The following TASP1 variants were observed in gnomAD, a reference collection of about 807,000 sequenced individuals.
TASP1 encodes the protein taspase 1.
A neutral mutation model predicts 56.6 loss-of-function variants in TASP1; 16 were observed. That is an observed-to-expected ratio of 0.28 (90% CI 0.19 to 0.43). The LOEUF is 0.43. TASP1 is among the 20% of genes least tolerant of loss of function. TASP1 has a pLI of 1.00. For synonymous variants in TASP1, 179 were observed against 184.2 expected, an observed-to-expected ratio of 0.97 and a Z score of 0.23; for missense variants, 393 against 511.6, an observed-to-expected ratio of 0.77 and a Z score of 2.24.
the TASP1 span, among the ~76,000 whole-genome samples, chr20:13,239,908 G>A: frequency 6.6e-6 from 1 of 152,188 alleles, no homozygotes; most frequent in Admixed American, 6.5e-5. Flanking sequence ...CTGAACATCT[G>A]TAAAAGTTTT....
the TASP1 span, among the ~76,000 whole-genome samples, chr20:13,366,901 C>T: frequency 1.3e-5 from 2 of 152,108 alleles, no homozygotes; most frequent in African/African-American, 2.4e-5. Flanking sequence ...CTCACACACA[C>T]ACTAACTCAG....
chr20:13,341,434 C>A, the TASP1 span, among the ~76,000 whole-genome samples: 1 of 152,148 alleles, frequency 6.6e-6, no homozygotes, highest in South Asian at 2.1e-4. Context: ...TGACCGTTGG[C>A]AAGTTAACTT....
At chr20:13,540,487 T>C (rs963249740) in intron 8 of TASP1, among the ~76,000 whole-genome samples, 11 of 152,112 alleles carry the variant, frequency 7.2e-5, no homozygotes, top group Non-Finnish European at 1.3e-4. Flanking sequence ...CTGGGAACAA[T>C]CCAAATGTCT....
chr20:13,333,746 C>A, the TASP1 span, among the ~76,000 whole-genome samples: 1 of 152,148 alleles, frequency 6.6e-6, no homozygotes, highest in Non-Finnish European at 1.5e-5. Context: ...AAAAGTATTT[C>A]TTGCTTCGTT....
the TASP1 span, among the ~76,000 whole-genome samples, chr20:13,246,201 AG>A: frequency 2.7e-5 from 4 of 150,736 alleles, no homozygotes; most frequent in African/African-American, 9.8e-5. Context: ...TGAACCCAGG[AG>A]GCGGAGGTTG....
At chr20:13,511,123 C>T (rs1339551079) in intron 10 of TASP1, among the ~76,000 whole-genome samples, 1 of 151,614 alleles carries the variant, frequency 6.6e-6, no homozygotes, top group Non-Finnish European at 1.5e-5. Flanking sequence ...ATCAACAAAA[C>T]ATTGACTGAG....
the TASP1 span, among the ~76,000 whole-genome samples, chr20:13,216,206 T>C: frequency 5.3e-5 from 8 of 152,210 alleles, no homozygotes; most frequent in East Asian, 1.3e-3. Context: ...TGACTTGCTT[T>C]TTCCTCCATG....
the TASP1 span, among the ~76,000 whole-genome samples, chr20:13,153,654 T>A: frequency 3.3e-5 from 5 of 152,186 alleles, no homozygotes; most frequent in Admixed American, 3.3e-4. Context: ...TGTTCCTTCT[T>A]ATCACACTCC....
intron 11 of TASP1, among the ~76,000 whole-genome samples, chr20:13,451,918 A>C (rs1223761116): frequency 2.0e-5 from 3 of 152,132 alleles, no homozygotes; most frequent in African/African-American, 7.2e-5. Flanking sequence ...TCACCTGAAG[A>C]TGCAGAGTCA....
At chr20:13,222,502 CCCCCCTTGTG>C in the TASP1 span, among the ~76,000 whole-genome samples, 6 of 152,176 alleles carry the variant, frequency 3.9e-5, no homozygotes, top group Admixed American at 3.3e-4. Flanking sequence ...GTTCCCCCCT[CCCCCCTTGTG>C]CCCCCTTGGT....
chr20:13,308,146 C>T, the TASP1 span, among the ~76,000 whole-genome samples: 8,398 of 152,242 alleles, frequency 0.055, 318 homozygotes, highest in Admixed American at 0.092. Context: ...TCAATACGTG[C>T]ATACTGAGCC....
chr20:13,195,521 G>T, the TASP1 span, among the ~76,000 whole-genome samples: 1 of 152,160 alleles, frequency 6.6e-6, no homozygotes, highest in Non-Finnish European at 1.5e-5. Context: ...TCATTCTGGC[G>T]TGTTTTTCAC....
the TASP1 span, among the ~76,000 whole-genome samples, chr20:13,131,860 A>G: frequency 6.6e-6 from 1 of 152,132 alleles, no homozygotes; most frequent in Non-Finnish European, 1.5e-5. Flanking sequence ...TTTTCAGCTT[A>G]CTCAGCAGAG....
chr20:13,508,511 C>T (rs1227563400), intron 10 of TASP1, among the ~76,000 whole-genome samples: 1 of 152,066 alleles, frequency 6.6e-6, no homozygotes, highest in Non-Finnish European at 1.5e-5. Flanking sequence ...TGCAATTATT[C>T]CAAAATCTGA....
At chr20:13,196,033 A>G in the TASP1 span, among the ~76,000 whole-genome samples, 1 of 152,194 alleles carries the variant, frequency 6.6e-6, no homozygotes, top group Non-Finnish European at 1.5e-5. Flanking sequence ...CAATTAGTAT[A>G]TTTATCAGTA....
chr20:13,552,192 T>C (rs1271903750), intron 8 of TASP1, among the ~76,000 whole-genome samples: 1 of 152,142 alleles, frequency 6.6e-6, no homozygotes, highest in East Asian at 1.9e-4. Context: ...AGTAACTGCA[T>C]GAAATATAAA....
At chr20:13,126,759 T>A in the TASP1 span, 1 of 1,608,874 alleles carries the variant, frequency 6.2e-7, no homozygotes, top group African/African-American at 1.3e-5. Context: ...GACCTCTCTG[T>A]CTCCCTTCTG....
the TASP1 span, among the ~76,000 whole-genome samples, chr20:13,250,901 C>A: frequency 6.6e-6 from 1 of 152,146 alleles, no homozygotes; most frequent in East Asian, 1.9e-4. Context: ...TCTAGGTCTC[C>A]TTTGCCCCCA....
intron 11 of TASP1, among the ~76,000 whole-genome samples, chr20:13,436,290 G>A (rs1441870024): frequency 6.6e-6 from 1 of 151,836 alleles, no homozygotes; most frequent in Non-Finnish European, 1.5e-5. Flanking sequence ...CTAGACCAGA[G>A]GTTGTCCTGC....
Sources: gnomAD v4.1 joint callset for allele counts (sites outside exome capture counted in the v4.1 genomes callset) on GRCh38, gnomAD v4.1.1 for gene constraint, MANE v1.5 for transcripts, NCBI Gene and HGNC (gene_info 2026-07-23, HGNC 2026-07-21) for gene names.